Variants in SMG7 observed in about 807,000 individuals in gnomAD.
SMG7 encodes SMG7 nonsense mediated mRNA decay factor.
Under a neutral mutation model 148.2 loss-of-function variants are expected in SMG7, and 34 were observed. The observed-to-expected ratio is 0.23, with a 90% CI of 0.17 to 0.31. The LOEUF (loss-of-function observed/expected upper bound fraction) is 0.31, where lower values mean the gene tolerates loss of function less well. Ranked by LOEUF, SMG7 falls within the 10% of genes least tolerant of loss-of-function variation. SMG7 has a pLI of 1.00. For synonymous variants in SMG7, 492 were observed against 515.1 expected, an observed-to-expected ratio of 0.96 and a Z score of 0.61; for missense variants, 1,114 against 1,408.4, an observed-to-expected ratio of 0.79 and a Z score of 3.35.
At chr1:183,529,656 C>A in intron 8 of SMG7, 123 bp downstream of exon 8, 2 of 719,238 alleles carry the variant, frequency 2.8e-6, no homozygotes, top group East Asian at 2.8e-5. Context: ...AAATTATATT[C>A]GAAGTATGTG....
chr1:183,506,552 T>G (rs1261428464), intron 1 of SMG7, among the ~76,000 whole-genome samples: 1 of 152,066 alleles, frequency 6.6e-6, no homozygotes, highest in African/African-American at 2.4e-5. Context: ...GATTATTGTG[T>G]TTATGGTTAT....
At chr1:183,531,834 G>A (rs150653729) in intron 8 of SMG7, among the ~76,000 whole-genome samples, 1,692 of 152,168 alleles carry the variant, frequency 0.011, 33 homozygotes, top group African/African-American at 0.039. Flanking sequence ...CTCATTTTAT[G>A]CCAGTATTAT....
chr1:183,505,443 G>A (rs1660687990), intron 1 of SMG7, among the ~76,000 whole-genome samples: 1 of 152,010 alleles, frequency 6.6e-6, no homozygotes, highest in African/African-American at 2.4e-5. Context: ...TGTCCTTCAT[G>A]GAGTGTCTTT....
intron 1 of SMG7, chr1:183,508,131 T>A (rs1661334021): frequency 1.0e-6 from 1 of 975,852 alleles, no homozygotes; most frequent in African/African-American, 1.8e-5. Context: ...GGCTGTAAAC[T>A]TCAATGTTAA....
At chr1:183,502,457 A>C (rs1002490322) in intron 1 of SMG7, 65 of 1,289,454 alleles carry the variant, frequency 5.0e-5, no homozygotes, top group Non-Finnish European at 6.7e-5. Context: ...TATTATTCAT[A>C]CTCTGTGAAT....
chr1:183,526,510 G>A, intron 4 of SMG7, 86 bp from the exon 5 acceptor site: 3 of 818,862 alleles, frequency 3.7e-6, no homozygotes, highest in Admixed American at 4.7e-5. Context: ...GCAGTATGTG[G>A]TACTAGGTAC....
chr1:183,531,622 T>C (rs1197139628), intron 8 of SMG7, among the ~76,000 whole-genome samples: 2 of 152,194 alleles, frequency 1.3e-5, no homozygotes, highest in South Asian at 2.1e-4. Context: ...CATGAACTTA[T>C]ATTATCATTT....
At chr1:183,487,605 T>C (rs1655797507) in intron 1 of SMG7, among the ~76,000 whole-genome samples, 2 of 152,204 alleles carry the variant, frequency 1.3e-5, no homozygotes, top group South Asian at 4.1e-4. Context: ...GAACCTTGAT[T>C]GTGTCAGTTA....
In SMG7 at chr1:183,551,210, A is replaced by G; in HGVS notation, c.3450+20A>G. The G allele has an allele frequency of 1.3e-6, 2 of 1,550,578 alleles. No homozygotes were observed. Among genetic ancestry groups the G allele is most frequent in the Non-Finnish European group, 1.7e-6 (2 of 1,155,164 alleles). On this transcript the variant is annotated intron_variant, in intron 22 of 22. Transcript: ENST00000688051. The stretch of plus-strand genomic sequence containing the variant: ...CTAAAGGTGAGTAGATTTCAGGAAC[A>G]AGAACCACAAGATTATTACAGCAAA...
chr1:183,544,961 G>A lies in SMG7; in HGVS notation c.2019G>A (p.Pro673=), dbSNP rs200024937. 2.2e-5 allele frequency: 35 copies of A among 1,613,214 alleles called. No individual in the cohort carries two copies. Among genetic ancestry groups the A allele is most frequent in the Admixed American group, 2.2e-4 (13 of 59,952 alleles). Residue 673 remains proline (P), a synonymous_variant, in exon 16 of 23, where the codon CCG becomes CCA. Transcript: ENST00000688051. ...GFPPPTYVIP[P]PVAFSMGSGY... ...CGCCCCCAACATATGTTATCCCCCC[G>A]CCTGTGGCATTTTCTATGGGCTCAG... is the stretch of plus-strand genomic sequence containing the variant.
At chr1:183,497,510 A>T (rs1426137962) in intron 1 of SMG7, among the ~76,000 whole-genome samples, 2 of 152,170 alleles carry the variant, frequency 1.3e-5, no homozygotes, top group Admixed American at 1.3e-4. Flanking sequence ...GCAGTTAATA[A>T]TGTATCACAG....
chr1:183,508,351 C>T (rs1483219265), intron 1 of SMG7, among the ~76,000 whole-genome samples: 2 of 151,992 alleles, frequency 1.3e-5, no homozygotes, highest in East Asian at 3.9e-4. Context: ...CACACCACCA[C>T]GCCAGCTAAT....
chr1:183,493,259 G>A (rs1289180900), intron 1 of SMG7, among the ~76,000 whole-genome samples: 4 of 152,158 alleles, frequency 2.6e-5, no homozygotes, highest in Non-Finnish European at 4.4e-5. Context: ...ACAGGTGTGA[G>A]CCACTACACC....
chr1:183,552,513 A>G lies in SMG7; in HGVS notation c.*582A>G, dbSNP rs974499919. The G allele has an allele frequency of 1.0e-6, 1 of 998,182 alleles. No individual in the cohort carries two copies. The highest frequency in any genetic ancestry group is 1.2e-6 in the Non-Finnish European group (1 of 837,148). 61.8% of individuals were successfully genotyped at this position (998,182 alleles called of 1,614,324 possible). On this transcript the variant is annotated 3_prime_UTR_variant, in exon 23 of 23. Transcript: ENST00000688051. ...CTGCTCCTGTGAGAGGTTGGTGGTG[A>G]CAGGATGGGGAACCGACCTCTTCAG... is the stretch of plus-strand genomic sequence containing the variant.
chr1:183,495,760 C>T (rs1247153129), intron 1 of SMG7, among the ~76,000 whole-genome samples: 3 of 151,850 alleles, frequency 2.0e-5, no homozygotes, highest in African/African-American at 2.4e-5. Context: ...CCCACCTACT[C>T]GGGAGGCTAA....
At chr1:183,531,873 T>A (rs967996566) in intron 8 of SMG7, among the ~76,000 whole-genome samples, 1 of 152,140 alleles carries the variant, frequency 6.6e-6, no homozygotes, top group Non-Finnish European at 1.5e-5. Context: ...ATTTAGAAGG[T>A]TAGTTGTAGA....
At chr1:183,521,028 A>C (rs895125267) in intron 4 of SMG7, among the ~76,000 whole-genome samples, 2 of 151,872 alleles carry the variant, frequency 1.3e-5, no homozygotes, top group Admixed American at 1.3e-4. Flanking sequence ...CTTTATTTTC[A>C]CATTATGATA....
intron 1 of SMG7, among the ~76,000 whole-genome samples, chr1:183,491,927 G>T (rs1657143447): frequency 6.6e-6 from 1 of 152,148 alleles, no homozygotes; most frequent in Admixed American, 6.6e-5. Context: ...ACATATGGCA[G>T]AAGGGATGGA....
chr1:183,543,907 T>C (rs1438695509), intron 14 of SMG7, among the ~76,000 whole-genome samples: 1 of 152,148 alleles, frequency 6.6e-6, no homozygotes, highest in Non-Finnish European at 1.5e-5. Context: ...CCAGATGAAA[T>C]CAAACTGAGG....
Sources: allele counts gnomAD v4.1 joint callset (sites outside exome capture counted in the v4.1 genomes callset), GRCh38; gene constraint gnomAD v4.1.1; transcripts MANE v1.5; gene names NCBI Gene and HGNC (gene_info 2026-07-23, HGNC 2026-07-21).